The following CDH4 variants were observed in gnomAD, a reference collection of about 807,000 sequenced individuals.
CDH4 encodes cadherin 4.
CDH4 carries 33 observed loss-of-function variants against 86.0 expected under a neutral mutation model. That is an observed-to-expected ratio of 0.38 (90% CI 0.29 to 0.51). The LOEUF is 0.51. Among genes scored for constraint, CDH4 ranks in the 20% least tolerant of loss-of-function variants. The pLI, the probability that CDH4 is intolerant of heterozygous loss-of-function variation, is 0.86. For synonymous variants in CDH4, 555 were observed against 549.4 expected (o/e 1.01, Z -0.14); for missense variants, 1,114 against 1,307.4 (o/e 0.85, Z 2.28).
intron 2 of CDH4, among the ~76,000 whole-genome samples, chr20:61,541,699 A>G (rs1309790477): frequency 2.0e-5 from 3 of 152,202 alleles, no homozygotes; most frequent in Non-Finnish European, 4.4e-5. Context: ...ATAGACAGAA[A>G]TTATGCTAGA....
At position 61,676,144 on chromosome 20, in the gene CDH4, G is replaced by A. The variant is rs2087442340; in HGVS notation, c.170-67419G>A. ...GACTTAATTCCAGGTTCTCTGAATG[G>A]GGCCTGCCAGTTCGAATTTGCACGT... On this transcript the variant is annotated intron_variant, in intron 2 of 15. Transcript: ENST00000614565. This position sits in a 1 kb window ranked among gnomAD's most constrained non-coding sequence, Gnocchi z 4.5. 6.6e-6 allele frequency among the ~76,000 whole-genome samples: 1 copy of A among 152,204 alleles called. No homozygotes were observed. The highest frequency in any genetic ancestry group is 2.4e-5 in the African/African-American group (1 of 41,456).
chr20:61,838,994 G>C (rs1183708194), intron 4 of CDH4, among the ~76,000 whole-genome samples: 1 of 152,226 alleles, frequency 6.6e-6, no homozygotes, highest in Admixed American at 6.5e-5. Flanking sequence ...ACTCCATGGA[G>C]AGAGGGGAAC....
chr20:61,322,886 C>T (rs2084516249), intron 2 of CDH4, among the ~76,000 whole-genome samples: 2 of 152,190 alleles, frequency 1.3e-5, no homozygotes, highest in African/African-American at 4.8e-5. Flanking sequence ...GCTCTTCACA[C>T]AACAGGCTCT....
intron 4 of CDH4, among the ~76,000 whole-genome samples, chr20:61,774,660 C>T (rs565195808): frequency 1.3e-5 from 2 of 149,146 alleles, no homozygotes; most frequent in East Asian, 4.1e-4. Context: ...AGCTATTCTT[C>T]CTGATGCTCT....
intron 4 of CDH4, among the ~76,000 whole-genome samples, chr20:61,805,933 C>T (rs1980099815): frequency 6.6e-6 from 1 of 152,238 alleles, no homozygotes; most frequent in African/African-American, 2.4e-5. Flanking sequence ...CCCACCATCA[C>T]TCACTCGGTG....
At chr20:61,328,197 A>G (rs1238827010) in intron 2 of CDH4, among the ~76,000 whole-genome samples, 2 of 152,158 alleles carry the variant, frequency 1.3e-5, no homozygotes, top group Non-Finnish European at 2.9e-5. Flanking sequence ...TTTTTTTGAG[A>G]TGAAGTCTCG....
intron 2 of CDH4, among the ~76,000 whole-genome samples, chr20:61,301,518 C>A (rs1861910893): frequency 6.6e-6 from 1 of 152,310 alleles, no homozygotes; most frequent in Middle Eastern, 3.4e-3. Context: ...ATATGACCTC[C>A]AGAGAGTTTT....
chr20:61,451,519 G>A (rs1289956438), intron 2 of CDH4, among the ~76,000 whole-genome samples: 1 of 152,150 alleles, frequency 6.6e-6, no homozygotes, highest in East Asian at 1.9e-4. Flanking sequence ...ATGCTTCTGG[G>A]GCAAAGCCTG....
In CDH4 at chr20:61,510,778, G is replaced by A. The variant is rs2145612503; in HGVS notation, c.170-232785G>A. ...GCTATAAAGAAATACCTGAGACTGGGTAATTTATAAAAGAAAGAGGTTTAA... is the reference window on the plus strand; with the variant it reads ...GCTATAAAGAAATACCTGAGACTGGATAATTTATAAAAGAAAGAGGTTTAA... On this transcript the variant is annotated intron_variant, in intron 2 of 15. Transcript: ENST00000614565. This position sits in a 1 kb window ranked among gnomAD's most constrained non-coding sequence, Gnocchi z 4.2. 6.6e-6 allele frequency among the ~76,000 whole-genome samples: 1 copy of A among 152,120 alleles called. No homozygotes were observed. The highest frequency in any genetic ancestry group is 1.9e-4 in the East Asian group (1 of 5,168).
At chr20:61,529,581 T>C (rs371204224) in intron 2 of CDH4, among the ~76,000 whole-genome samples, 1 of 152,344 alleles carries the variant, frequency 6.6e-6, no homozygotes, top group African/African-American at 2.4e-5. Context: ...ATCTCTGTCA[T>C]CTGCAGGTCT....
intron 2 of CDH4, among the ~76,000 whole-genome samples, chr20:61,520,164 A>C (rs553209871): frequency 3.0e-4 from 46 of 152,206 alleles, no homozygotes; most frequent in African/African-American, 1.1e-3. Flanking sequence ...GGAGACACCA[A>C]CTCAACCCAT....
intron 4 of CDH4, among the ~76,000 whole-genome samples, chr20:61,834,522 A>G (rs1177872100): frequency 6.6e-6 from 1 of 152,214 alleles, no homozygotes; most frequent in African/African-American, 2.4e-5. Flanking sequence ...GTTAGAGGAA[A>G]GTAGACGCTG....
chr20:61,620,392 TAATG>T (rs2086766345), intron 2 of CDH4, among the ~76,000 whole-genome samples: 1 of 151,720 alleles, frequency 6.6e-6, no homozygotes, highest in Non-Finnish European at 1.5e-5. Flanking sequence ...GATACCTAGA[TAATG>T]GATGGATAGA....
At chr20:61,304,994 T>G (rs1037729361) in intron 2 of CDH4, among the ~76,000 whole-genome samples, 1 of 151,942 alleles carries the variant, frequency 6.6e-6, no homozygotes, top group African/African-American at 2.4e-5. Flanking sequence ...GTGTGTACAG[T>G]GTGTTGCCTG....
At chr20:61,760,113 A>G (rs1197179328) in intron 3 of CDH4, among the ~76,000 whole-genome samples, 2 of 152,066 alleles carry the variant, frequency 1.3e-5, no homozygotes, top group Non-Finnish European at 2.9e-5. Flanking sequence ...CTTGTCAGCC[A>G]CAATTCCTTA....
rs537988699 is a variant in CDH4 at position 61,847,772 on chromosome 20, C to T, written c.732+2949C>T. ...AAAGTGAAGGGGAGCAGACGTCCCA[C>T]GTGGCAGGAGTGAGAGAGAGAGAGA... is the stretch of plus-strand genomic sequence containing the variant. On this transcript the variant is annotated intron_variant, in intron 5 of 15. Coordinates refer to ENST00000614565, the MANE Select transcript of CDH4 (RefSeq NM_001794.5). Among the ~76,000 whole-genome samples, 22 of 152,216 alleles carry T rather than the reference C, an allele frequency of 1.4e-4. No individual in the cohort carries two copies. In the East Asian group the frequency reaches 4.1e-3, roughly 28 times the overall value.
At chr20:61,657,214 C>T (rs1263374648) in intron 2 of CDH4, among the ~76,000 whole-genome samples, 1 of 152,230 alleles carries the variant, frequency 6.6e-6, no homozygotes, top group Non-Finnish European at 1.5e-5. Flanking sequence ...ATCTCCTTCT[C>T]ATCCTATCTC....
chr20:61,317,003 CCTG>C (rs1039963850), intron 2 of CDH4, among the ~76,000 whole-genome samples: 38 of 148,104 alleles, frequency 2.6e-4, no homozygotes, highest in African/African-American at 7.4e-4. Context: ...TTGCACGTAA[CCTG>C]CTATTTCTTT....
intron 2 of CDH4, among the ~76,000 whole-genome samples, chr20:61,321,865 C>T (rs1264946109): frequency 1.3e-5 from 2 of 152,122 alleles, no homozygotes; most frequent in African/African-American, 4.8e-5. Context: ...TAGCTCAGTC[C>T]TCTCTGCAGT....
Sources: gnomAD v4.1 joint callset for allele counts (sites outside exome capture counted in the v4.1 genomes callset) on GRCh38, gnomAD v4.1.1 for gene constraint, Gnocchi (gnomAD v3.1) non-coding constraint, MANE v1.5 for transcripts, NCBI Gene and HGNC (gene_info 2026-07-23, HGNC 2026-07-21) for gene names.